GFRA1: variants seen among roughly 807,000 people sequenced by gnomAD.
The protein encoded by GFRA1 is GDNF family receptor alpha 1.
A neutral mutation model predicts 51.6 loss-of-function variants in GFRA1; 16 were observed. The observed-to-expected ratio is 0.31, with a 90% CI of 0.21 to 0.47. GFRA1 has a LOEUF of 0.47. Ranked by LOEUF, GFRA1 falls within the 20% of genes least tolerant of loss-of-function variation. The probability of loss-of-function intolerance (pLI) is 1.00; values close to 1 mark genes in which losing one functional copy is unlikely to be tolerated. For synonymous variants in GFRA1, 270 were observed against 241.3 expected, an observed-to-expected ratio of 1.12 and a Z score of -1.10; for missense variants, 530 against 594.3, an observed-to-expected ratio of 0.89 and a Z score of 1.13.
At chr10:116,117,531 GGA>G in intron 6 of GFRA1, among the ~76,000 whole-genome samples, 6 of 132,832 alleles carry the variant, frequency 4.5e-5, no homozygotes, top group Admixed American at 7.6e-5. Context: ...CCAGATGGAT[GGA>G]TGGGTGGGTG....
At chr10:116,171,443 A>G (rs1424125125) in intron 5 of GFRA1, among the ~76,000 whole-genome samples, 3 of 152,212 alleles carry the variant, frequency 2.0e-5, no homozygotes, top group Admixed American at 2.0e-4. Flanking sequence ...CGGCTTAAAT[A>G]TATTTTGCCT....
At position 116,123,686 on chromosome 10, in the gene GFRA1, T is replaced by C. The variant is rs1957738579; in HGVS notation, c.770+1535A>G. 2.6e-5 allele frequency among the ~76,000 whole-genome samples: 4 copies of C among 152,138 alleles called. No individual in the cohort carries two copies. The South Asian group carries it at 8.3e-4, about 32-fold the overall frequency. ...GCTTGTCCACTGGCTTAGCATATAT[T>C]GAGGGCTTCTACCTGGGGACAAAGT... On this transcript the variant is annotated intron_variant, in intron 6 of 10. Transcript: ENST00000355422.
chr10:116,185,767 A>G (rs1463960306), intron 5 of GFRA1, among the ~76,000 whole-genome samples: 1 of 152,146 alleles, frequency 6.6e-6, no homozygotes, highest in Non-Finnish European at 1.5e-5. Flanking sequence ...TTAATAAATC[A>G]TTTGCACGGG....
chr10:116,092,302 A>G (rs1053635863), intron 8 of GFRA1, among the ~76,000 whole-genome samples: 25 of 152,192 alleles, frequency 1.6e-4, no homozygotes, highest in Non-Finnish European at 3.4e-4. Context: ...AATTGACTAC[A>G]GCCACATTAT....
chr10:116,078,828 T>C (rs1164640417), intron 9 of GFRA1, among the ~76,000 whole-genome samples: 1 of 152,072 alleles, frequency 6.6e-6, no homozygotes, highest in Non-Finnish European at 1.5e-5. Context: ...TTCTCTTAGA[T>C]AAAAGGCCCA....
At chr10:116,089,623 C>T in intron 9 of GFRA1, 118 bp downstream of exon 9, 1 of 897,576 alleles carries the variant, frequency 1.1e-6, no homozygotes. Flanking sequence ...TTTTGAGACT[C>T]AAACCCGAGC....
chr10:116,176,377 G>A (rs373314780), intron 5 of GFRA1, among the ~76,000 whole-genome samples: 7 of 152,198 alleles, frequency 4.6e-5, no homozygotes, highest in African/African-American at 1.7e-4. Flanking sequence ...CATGCTGGAG[G>A]TGCAGCCTGG....
rs888883823 is a variant in GFRA1 at position 116,132,353 on chromosome 10, T to C, written c.434-6796A>G. On this transcript the variant is annotated intron_variant, in intron 5 of 10. Coordinates refer to ENST00000355422, the MANE Select transcript of GFRA1 (RefSeq NM_005264.8). ...TTTAAAAACTTAGAGGATGGACATA[T>C]GGGCGCTCATACAGCACATTCAGAT... Among the ~76,000 whole-genome samples the C allele has an allele frequency of 4.6e-5, 7 of 152,206 alleles. No individual in the cohort carries two copies. In the East Asian group the frequency reaches 5.8e-4, roughly 13 times the overall value.
chr10:116,175,076 G>A (rs988146757), intron 5 of GFRA1, among the ~76,000 whole-genome samples: 20 of 152,216 alleles, frequency 1.3e-4, no homozygotes, highest in African/African-American at 3.4e-4. Context: ...CGTGTGTTGC[G>A]GCTTCTTTCT....
At chr10:116,206,390 A>G (rs1238485069) in intron 5 of GFRA1, among the ~76,000 whole-genome samples, 1 of 152,164 alleles carries the variant, frequency 6.6e-6, no homozygotes, top group Non-Finnish European at 1.5e-5. Flanking sequence ...GAAATACGCA[A>G]AAGAGCTCAA....
chr10:116,074,105 C>A (rs568649328), intron 9 of GFRA1, among the ~76,000 whole-genome samples: 4 of 152,294 alleles, frequency 2.6e-5, no homozygotes, highest in African/African-American at 9.6e-5. Context: ...ATCCCATCTG[C>A]CTTTTACCAA....
chr10:116,233,929 G>C (rs1158645388), intron 4 of GFRA1, among the ~76,000 whole-genome samples: 1 of 152,178 alleles, frequency 6.6e-6, no homozygotes, highest in Non-Finnish European at 1.5e-5. Context: ...TATAATTGAT[G>C]CTTCTTGCCA....
rs180871711 is a variant in GFRA1, at chr10:116,079,092, A to C, written c.1197+10649T>G. Among the ~76,000 whole-genome samples, 452 of 151,950 alleles carry C rather than the reference A, an allele frequency of 3.0e-3. 4 individuals are homozygous for C. Among genetic ancestry groups the C allele is most frequent in the African/African-American group, 0.01 (429 of 41,458 alleles). On this transcript the variant is annotated intron_variant, in intron 9 of 10. Coordinates refer to ENST00000355422, the MANE Select transcript of GFRA1 (RefSeq NM_005264.8). ...TCATCCAGCGCGCTGGATGCGTAAA[A>C]ACACCAGAAGGTGATGGTGTGAGGA... is the stretch of plus-strand genomic sequence containing the variant.
chr10:116,122,724 A>G (rs1442844481), intron 6 of GFRA1, among the ~76,000 whole-genome samples: 2 of 152,138 alleles, frequency 1.3e-5, no homozygotes, highest in African/African-American at 4.8e-5. Flanking sequence ...CTTGTGTAAG[A>G]TAAACCTGGG....
intron 9 of GFRA1, among the ~76,000 whole-genome samples, chr10:116,087,659 T>C (rs1305601457): frequency 6.6e-6 from 1 of 152,194 alleles, no homozygotes; most frequent in Admixed American, 6.5e-5. Context: ...GATCACCTTA[T>C]GATAATAGGA....
intron 4 of GFRA1, among the ~76,000 whole-genome samples, chr10:116,226,253 G>A (rs74158412): frequency 0.017 from 2,627 of 152,202 alleles, 88 homozygotes; most frequent in African/African-American, 0.061. Flanking sequence ...GAAGATGGTC[G>A]GCATGGCCTT....
At chr10:116,161,591 G>T (rs1959800252) in intron 5 of GFRA1, among the ~76,000 whole-genome samples, 1 of 152,174 alleles carries the variant, frequency 6.6e-6, no homozygotes, top group Non-Finnish European at 1.5e-5. Flanking sequence ...ATTGAATCAT[G>T]GGAGCAGTTT....
At chr10:116,081,828 G>A (rs950476920) in intron 9 of GFRA1, among the ~76,000 whole-genome samples, 14 of 152,116 alleles carry the variant, frequency 9.2e-5, no homozygotes, top group Non-Finnish European at 1.8e-4. Flanking sequence ...CTTTTTTATG[G>A]TTTTAATTTT....
At chr10:116,145,560 T>C (rs1958765084) in intron 5 of GFRA1, among the ~76,000 whole-genome samples, 1 of 152,228 alleles carries the variant, frequency 6.6e-6, no homozygotes, top group African/African-American at 2.4e-5. Flanking sequence ...TATCTTTAAA[T>C]ATCTGTATTA....
Sources: allele counts gnomAD v4.1 joint callset (sites outside exome capture counted in the v4.1 genomes callset), GRCh38; gene constraint gnomAD v4.1.1; transcripts MANE v1.5; gene names NCBI Gene and HGNC (gene_info 2026-07-23, HGNC 2026-07-21).